MEF2C: variants seen among roughly 807,000 people sequenced by gnomAD.
MEF2C encodes myocyte-specific enhancer factor 2C.
In MEF2C, 6 loss-of-function variants were observed where a neutral mutation model predicts 50.5. The observed-to-expected ratio is 0.12, with a 90% CI of 0.07 to 0.23. MEF2C has a LOEUF of 0.23. MEF2C is among the 10% of genes least tolerant of loss of function. The pLI, the probability that MEF2C is intolerant of heterozygous loss-of-function variation, is 1.00. For synonymous variants in MEF2C, 183 were observed against 228.0 expected (o/e 0.80, Z 1.78); for missense variants, 276 against 605.0 (o/e 0.46, Z 5.70).
chr5:88,742,882 G>A (rs1767485716), intron 6 of MEF2C: 1 of 984,638 alleles, frequency 1.0e-6, no homozygotes, highest in Non-Finnish European at 1.2e-6. Context: ...TCTAATTTGA[G>A]GACTAGGTTT....
At chr5:88,873,708 A>ATTTTT (rs199642010) in intron 1 of MEF2C, among the ~76,000 whole-genome samples, 18 of 93,804 alleles carry the variant, frequency 1.9e-4, no homozygotes, top group African/African-American at 3.9e-4. Context: ...GTCGTCACGG[A>ATTTTT]TTTTTTTTTT....
In MEF2C at chr5:88,877,101, A is replaced by G. The variant is rs114320416; in HGVS notation, c.-143+5854T>C. On this transcript the variant is annotated intron_variant, in intron 1 of 10. Coordinates refer to ENST00000504921, the MANE Select transcript of MEF2C (RefSeq NM_002397.5). The stretch of plus-strand genomic sequence containing the variant: ...ACATTGCTCCATTCATTTCAAATTT[A>G]CAGCATTAAGAATTAATAAAGTCTT... Among the ~76,000 whole-genome samples the G allele has an allele frequency of 5.5e-3, 834 of 152,180 alleles. 8 individuals are homozygous for G. The highest frequency in any genetic ancestry group is 0.019 in the African/African-American group (801 of 41,544).
At chr5:88,876,909 A>G (rs1831239852) in intron 1 of MEF2C, among the ~76,000 whole-genome samples, 1 of 151,950 alleles carries the variant, frequency 6.6e-6, no homozygotes, top group African/African-American at 2.4e-5. Context: ...CCAGACCACC[A>G]CGCTCATGAT....
chr5:88,781,842 A>G (rs577167549), intron 3 of MEF2C, among the ~76,000 whole-genome samples: 89 of 152,226 alleles, frequency 5.8e-4, no homozygotes, highest in African/African-American at 2.0e-3. Context: ...GTGTGGTGGC[A>G]CATGCCTGTA....
upstream of MEF2C, chr5:88,887,508 C>A (rs1834133104): frequency 6.6e-6 from 1 of 152,190 alleles, no homozygotes; most frequent in African/African-American, 2.4e-5. Flanking sequence ...TCACCACATA[C>A]ACTTCTTTAC....
intron 1 of MEF2C, among the ~76,000 whole-genome samples, chr5:88,900,664 G>T (rs1356687741): frequency 6.6e-6 from 1 of 151,744 alleles, no homozygotes; most frequent in Non-Finnish European, 1.5e-5. Context: ...TCTCTAACAA[G>T]GTATTAAATT....
intron 1 of MEF2C, among the ~76,000 whole-genome samples, chr5:88,893,314 CTTTTCTTTT>C (rs1255659883): frequency 6.5e-4 from 84 of 128,996 alleles, no homozygotes; most frequent in Non-Finnish European, 1.2e-3. Flanking sequence ...CTTTTTCTTT[CTTTTCTTTT>C]TTTTTTTTAT....
chr5:88,787,689 T>A (rs1791636043), intron 3 of MEF2C, among the ~76,000 whole-genome samples: 1 of 152,196 alleles, frequency 6.6e-6, no homozygotes, highest in Non-Finnish European at 1.5e-5. Flanking sequence ...ATGAAATTAA[T>A]TCAGAACAAC....
chr5:88,834,051 C>A (rs1581363085), intron 1 of MEF2C, among the ~76,000 whole-genome samples: 1 of 151,690 alleles, frequency 6.6e-6, no homozygotes, highest in Admixed American at 6.6e-5. Flanking sequence ...AACTCCAGAA[C>A]AAGAGACCTC....
chr5:88,795,522 A>G (rs1795665606), intron 3 of MEF2C, among the ~76,000 whole-genome samples: 1 of 152,186 alleles, frequency 6.6e-6, no homozygotes, highest in African/African-American at 2.4e-5. Flanking sequence ...TTTGCTTATC[A>G]GCTTAAGGAG....
At chr5:88,843,966 C>A (rs141787774) in intron 1 of MEF2C, among the ~76,000 whole-genome samples, 6 of 152,048 alleles carry the variant, frequency 3.9e-5, no homozygotes, top group Admixed American at 6.5e-5. Flanking sequence ...CGCACCACCA[C>A]GCCTGGATAA....
At chr5:88,869,264 TATATATATATATAC>T (rs1164597321) in intron 1 of MEF2C, among the ~76,000 whole-genome samples, 18 of 72,762 alleles carry the variant, frequency 2.5e-4, no homozygotes, top group African/African-American at 1.3e-3. Flanking sequence ...TATATATATA[TATATATATATATAC>T]ATATATATAT....
chr5:88,902,156 A>C (rs1439630396), intron 1 of MEF2C, among the ~76,000 whole-genome samples: 1 of 151,200 alleles, frequency 6.6e-6, no homozygotes, highest in Non-Finnish European at 1.5e-5. Flanking sequence ...AGACTAGAAA[A>C]ATAAAAGTAA....
intron 1 of MEF2C, chr5:88,839,383 G>A (rs1283654008): frequency 6.7e-6 from 1 of 148,832 alleles, no homozygotes; most frequent in Non-Finnish European, 1.5e-5. Flanking sequence ...ACCTACCTAT[G>A]TAAGACTGAC....
chr5:88,885,540 T>C (rs1033608954), upstream of MEF2C, among the ~76,000 whole-genome samples: 2 of 152,210 alleles, frequency 1.3e-5, no homozygotes, highest in Non-Finnish European at 2.9e-5. Flanking sequence ...AGTTTGCCAT[T>C]ACCATGAATT....
chr5:88,725,008 G>A (rs1301592736), intron 10 of MEF2C, among the ~76,000 whole-genome samples: 2 of 152,040 alleles, frequency 1.3e-5, no homozygotes, highest in Non-Finnish European at 2.9e-5. Context: ...TAGAAAATTA[G>A]AAGAAAAAAT....
At chr5:88,869,243 A>T (rs1414934865) in intron 1 of MEF2C, among the ~76,000 whole-genome samples, 1 of 137,050 alleles carries the variant, frequency 7.3e-6, no homozygotes, top group Non-Finnish European at 1.5e-5. Context: ...GAAATCTAAA[A>T]CTAGTTTTCA....
rs958091856 is a variant in MEF2C at position 88,823,895 on chromosome 5, C to A, written c.-107G>T. 5 of 1,542,672 alleles carry A rather than the reference C, an allele frequency of 3.2e-6. No homozygotes were observed. On this transcript the variant is annotated 5_prime_UTR_variant, in exon 2 of 11. Transcript: ENST00000504921. ...AACAAATCTCCTTCTTCAGCACTTG[C>A]ACAGCTCAGTTCCCAAATTCCTGCA...
intron 2 of MEF2C, among the ~76,000 whole-genome samples, chr5:88,813,881 T>TC (rs916401626): frequency 1.3e-5 from 2 of 152,084 alleles, no homozygotes; most frequent in Non-Finnish European, 2.9e-5. Context: ...TCATTTTTTT[T>TC]CCCTCCAAAT....
Sources: allele counts gnomAD v4.1 joint callset (sites outside exome capture counted in the v4.1 genomes callset), GRCh38; gene constraint gnomAD v4.1.1; transcripts MANE v1.5; gene names NCBI Gene and HGNC (gene_info 2026-07-23, HGNC 2026-07-21).